Variants in SNX9 observed in about 807,000 individuals in gnomAD.
SNX9 encodes sorting nexin 9, also known as sorting nexin-9.
SNX9 carries 44 observed loss-of-function variants against 89.4 expected under a neutral mutation model. That is an observed-to-expected ratio of 0.49 (90% CI 0.39 to 0.63). The LOEUF (loss-of-function observed/expected upper bound fraction) is 0.63, where lower values mean the gene tolerates loss of function less well. Ranked by LOEUF, SNX9 falls within the 30% of genes least tolerant of loss-of-function variation. The pLI is 0.00. For synonymous variants in SNX9, 236 were observed against 247.8 expected (o/e 0.95, Z 0.45); for missense variants, 578 against 736.1 (o/e 0.79, Z 2.49).
chr6:157,831,438 A>C (rs1339288458), intron 1 of SNX9, among the ~76,000 whole-genome samples: 1 of 152,110 alleles, frequency 6.6e-6, no homozygotes, highest in Non-Finnish European at 1.5e-5. Flanking sequence ...CTCAGGAGAA[A>C]TTTTCCTCAT....
chr6:157,921,473 G>A (rs1783579419), intron 9 of SNX9, 58 bp from the exon 10 acceptor site: 1 of 1,575,886 alleles, frequency 6.3e-7, no homozygotes, highest in African/African-American at 1.4e-5. Context: ...GTTACAGTAT[G>A]GTAACAGTCA....
At chr6:157,929,280 C>G (rs7764880) in intron 12 of SNX9, among the ~76,000 whole-genome samples, 32,962 of 152,146 alleles carry the variant, frequency 0.22, 3,648 homozygotes, top group Non-Finnish European at 0.23. Context: ...TAGAACTGTG[C>G]AGCTCTGTCA....
intron 1 of SNX9, among the ~76,000 whole-genome samples, chr6:157,827,457 A>ATATATAAACTTATAGTTTATATAT (rs1781391948): frequency 4.6e-5 from 1 of 21,596 alleles, no homozygotes; most frequent in Non-Finnish European, 6.4e-5. Context: ...AGTTTATATA[A>ATATATAAACTTATAGTTTATATAT]TATATAAACT....
At chr6:157,888,928 TGAG>T (rs1782793910) in intron 4 of SNX9, among the ~76,000 whole-genome samples, 1 of 151,786 alleles carries the variant, frequency 6.6e-6, no homozygotes, top group Admixed American at 6.6e-5. Flanking sequence ...TGGTTGACTG[TGAG>T]GAGGAGTGTG....
rs1021913967 is a variant in SNX9 at position 157,928,587 on chromosome 6, C to T, written c.1185-12C>T. 80 of 1,596,964 alleles carry T rather than the reference C, an allele frequency of 5.0e-5. No homozygotes were observed. The highest frequency in any genetic ancestry group is 6.7e-5 in the Non-Finnish European group (79 of 1,172,086). On this transcript the variant is annotated splice_polypyrimidine_tract_variant and intron_variant, in intron 11 of 17. Coordinates refer to ENST00000392185, the MANE Select transcript of SNX9 (RefSeq NM_016224.5). ...TCCTGCTTATGTGACTGACGGCCGC[C>T]TTCACCCACAGAGAGCAGAAGTGCG...
At chr6:157,934,637 A>G (rs1386965313) in intron 13 of SNX9, among the ~76,000 whole-genome samples, 4 of 152,244 alleles carry the variant, frequency 2.6e-5, no homozygotes, top group Non-Finnish European at 5.9e-5. Context: ...AAAACTTCTA[A>G]AACTATTTAC....
chr6:157,906,608 ATGGG>A (rs1339127700), intron 7 of SNX9, among the ~76,000 whole-genome samples: 1 of 152,212 alleles, frequency 6.6e-6, no homozygotes, highest in African/African-American at 2.4e-5. Flanking sequence ...TTTCAGATAT[ATGGG>A]TAATAGTGTT....
intron 1 of SNX9, among the ~76,000 whole-genome samples, chr6:157,831,625 G>A (rs966455117): frequency 2.0e-5 from 3 of 152,194 alleles, no homozygotes; most frequent in African/African-American, 7.2e-5. Context: ...CAGGTTTGTG[G>A]AGTCTCCCAG....
chr6:157,907,386 A>G (rs1344091449), intron 7 of SNX9, among the ~76,000 whole-genome samples: 2 of 152,026 alleles, frequency 1.3e-5, no homozygotes, highest in Non-Finnish European at 2.9e-5. Flanking sequence ...GGTTCAAGCA[A>G]TTCTCCTGCC....
Position 157,937,479 on chromosome 6 carries a change from A to G in SNX9, c.1489A>G (p.Lys497Glu). Residue 497 changes from lysine to glutamate, a missense_variant, in exon 15 of 18, where the codon AAA becomes GAA. Around this residue, in one of 2 missense-constraint regions of SNX9, gnomAD observed 348 missense variants for 491.4 expected, o/e 0.71. Transcript: ENST00000392185. ...HFLMECNHEY[K>E]GFLGCFPDII... The stretch of plus-strand genomic sequence containing the variant: ...CCTGATGGAATGTAATCACGAGTAT[A>G]AAGGTTTTCTTGGCTGCTTCCCTGA... 6.2e-7 allele frequency: 1 copy of G among 1,614,032 alleles called. No individual in the cohort carries two copies. Among genetic ancestry groups the G allele is most frequent in the Non-Finnish European group, 8.5e-7 (1 of 1,179,904 alleles).
At chr6:157,867,983 G>A (rs889777448) in intron 2 of SNX9, among the ~76,000 whole-genome samples, 1 of 152,112 alleles carries the variant, frequency 6.6e-6, no homozygotes, top group Non-Finnish European at 1.5e-5. Context: ...AGTTGTCCTG[G>A]AACATGGTTC....
At chr6:157,941,505 C>T (rs143255297) in intron 17 of SNX9, among the ~76,000 whole-genome samples, 15 of 152,352 alleles carry the variant, frequency 9.8e-5, no homozygotes, top group African/African-American at 3.6e-4. Flanking sequence ...TTTCTTACCT[C>T]TGCTTAGTAA....
intron 16 of SNX9, among the ~76,000 whole-genome samples, chr6:157,939,473 G>A (rs1783992536): frequency 6.6e-6 from 1 of 152,190 alleles, no homozygotes. Flanking sequence ...GGTTATGGAG[G>A]GGAGATTGGA....
chr6:157,864,516 T>C (rs934858105), intron 1 of SNX9, among the ~76,000 whole-genome samples: 1 of 152,236 alleles, frequency 6.6e-6, no homozygotes, highest in African/African-American at 2.4e-5. Context: ...TTAGGTATTC[T>C]ATATTTGGAA....
chr6:157,941,878 C>T (rs913967224), intron 17 of SNX9, among the ~76,000 whole-genome samples: 2 of 152,272 alleles, frequency 1.3e-5, no homozygotes, highest in African/African-American at 4.8e-5. Context: ...TCCTCCCTTA[C>T]AGGACGTGGG....
At chr6:157,901,779 T>C (rs1191621680) in intron 5 of SNX9, 119 bp from the exon 6 acceptor site, 9 of 1,188,934 alleles carry the variant, frequency 7.6e-6, no homozygotes, top group Non-Finnish European at 1.0e-5. Context: ...TACCCTTTTC[T>C]CCATCAAAAA....
At chr6:157,884,715 C>A (rs975924234) in intron 4 of SNX9, among the ~76,000 whole-genome samples, 1 of 152,130 alleles carries the variant, frequency 6.6e-6, no homozygotes, top group Non-Finnish European at 1.5e-5. Flanking sequence ...TCATTACTAA[C>A]CTTGTGTGCT....
At chr6:157,915,741 C>G (rs1361765889) in intron 9 of SNX9, among the ~76,000 whole-genome samples, 2 of 145,332 alleles carry the variant, frequency 1.4e-5, no homozygotes, top group African/African-American at 5.1e-5. Flanking sequence ...AGGAGAGTCA[C>G]TTGAATCCAG....
At chr6:157,929,364 G>A (rs939960136) in intron 12 of SNX9, among the ~76,000 whole-genome samples, 1 of 152,246 alleles carries the variant, frequency 6.6e-6, no homozygotes, top group African/African-American at 2.4e-5. Flanking sequence ...CTGCTGCCCT[G>A]TTACACCCAC....
Sources: allele counts gnomAD v4.1 joint callset (sites outside exome capture counted in the v4.1 genomes callset), GRCh38; gene constraint gnomAD v4.1.1; regional missense constraint gnomAD v4.1.1; transcripts MANE v1.5; gene names NCBI Gene and HGNC (gene_info 2026-07-23, HGNC 2026-07-21).